SDF4: variants seen among roughly 807,000 people sequenced by gnomAD.
The protein encoded by SDF4 is stromal cell derived factor 4, also known as 45 kDa calcium-binding protein.
A neutral mutation model predicts 34.2 loss-of-function variants in SDF4; 22 were observed. The ratio of observed to expected loss-of-function variants is 0.64; its 90% CI spans 0.46 to 0.92. The LOEUF is 0.92. Among genes scored for constraint, SDF4 ranks in the 40% least tolerant of loss-of-function variants. The pLI, the probability that SDF4 is intolerant of heterozygous loss-of-function variation, is 0.00. For missense variants in SDF4, 447 were observed against 499.9 expected (o/e 0.89, Z 1.01); for synonymous variants, 236 against 203.1 (o/e 1.16, Z -1.38).
chr1:1,223,151 C>T, intron 4 of SDF4, 93 bp downstream of exon 4: 1 of 890,522 alleles, frequency 1.1e-6, no homozygotes, highest in East Asian at 2.4e-5. Context: ...CACACTCATA[C>T]ACGACACACA....
intron 2 of SDF4, among the ~76,000 whole-genome samples, chr1:1,226,470 C>T (rs1342566764): frequency 2.0e-5 from 3 of 152,234 alleles, no homozygotes; most frequent in African/African-American, 7.2e-5. Context: ...CTACCCAGCC[C>T]TTCTCAGAAC....
At chr1:1,229,620 C>T (rs560206844) in intron 1 of SDF4, among the ~76,000 whole-genome samples, 39 of 152,250 alleles carry the variant, frequency 2.6e-4, no homozygotes, top group Admixed American at 1.4e-3. Context: ...CCAACACCTG[C>T]AGCACAGCTT....
At chr1:1,219,278 TGG>T (rs1649759063) in intron 4 of SDF4, 27 of 1,145,342 alleles carry the variant, frequency 2.4e-5, no homozygotes, top group Non-Finnish European at 2.8e-5. Flanking sequence ...CCCCAGGACA[TGG>T]CCTGGACCCC....
In SDF4 at chr1:1,218,745, C is replaced by A. The variant is rs371413931; in HGVS notation, c.715+24G>T. On this transcript the variant is annotated intron_variant, in intron 5 of 6. Transcript: ENST00000360001. This position sits in a 1 kb window ranked among gnomAD's most constrained non-coding sequence, Gnocchi z 7.9. The stretch of plus-strand genomic sequence containing the variant: ...CAGTCGGTCCTGGGTCCTGGCGTGC[C>A]GGCCAGGCTGGACCCAGCCTCACCC... 6.2e-7 allele frequency: 1 copy of A among 1,612,222 alleles called. No individual in the cohort carries two copies. Among genetic ancestry groups the A allele is most frequent in the Non-Finnish European group, 8.5e-7 (1 of 1,179,130 alleles).
At chr1:1,231,566 C>T (rs1177464499) in intron 1 of SDF4, among the ~76,000 whole-genome samples, 1 of 152,270 alleles carries the variant, frequency 6.6e-6, no homozygotes, top group Non-Finnish European at 1.5e-5. Context: ...AGCGGGGCAG[C>T]TTGTCCAAGG....
At chr1:1,224,608 G>C (rs542485254) in intron 2 of SDF4, among the ~76,000 whole-genome samples, 6 of 152,260 alleles carry the variant, frequency 3.9e-5, no homozygotes, top group African/African-American at 1.2e-4. Context: ...TTCAGGTATG[G>C]CTACACAAAA....
Position 1,223,353 on chromosome 1 carries a change from G to C in SDF4, c.447C>G (p.His149Gln). ...TCACCTTATACTCGTCCCAAGACAC[G>C]TGACCTGGAAGAGCAGATCACACCT... ...FRAVDPDGDG[H>Q]VSWDEYKVKF... The change falls in exon 4 of 7, where the codon CAC (histidine) becomes CAG (glutamine). Residue 149 changes from histidine (H) to glutamine (Q), a missense_variant. Coordinates refer to ENST00000360001, the MANE Select transcript of SDF4 (RefSeq NM_016176.6). 2 of 1,607,774 alleles carry C rather than the reference G, an allele frequency of 1.2e-6. No individual in the cohort carries two copies. Among genetic ancestry groups the C allele is most frequent in the Non-Finnish European group, 1.7e-6 (2 of 1,175,758 alleles).
chr1:1,220,028 A>G (rs573167300), intron 4 of SDF4: 1 of 985,720 alleles, frequency 1.0e-6, no homozygotes, highest in African/African-American at 1.7e-5. Flanking sequence ...AGCTCCTGGG[A>G]TGGATGGACG....
chr1:1,231,212 C>T (rs1638482909), intron 1 of SDF4, among the ~76,000 whole-genome samples: 1 of 152,342 alleles, frequency 6.6e-6, no homozygotes, highest in South Asian at 2.1e-4. Context: ...GTTCGCAGCA[C>T]AGCGGAGCGG....
chr1:1,217,510 G>T lies in SDF4; in HGVS notation c.*2C>A. Reference sequence around the variant, plus strand: ...GGGGCGGCGCGGGGCGCGGCCGGGCGCTCAAAACTCCTCGTGCACGCTGCG... The same window carrying T: ...GGGGCGGCGCGGGGCGCGGCCGGGCTCTCAAAACTCCTCGTGCACGCTGCG... On this transcript the variant is annotated 3_prime_UTR_variant, in exon 7 of 7. Coordinates refer to ENST00000360001, the MANE Select transcript of SDF4 (RefSeq NM_016176.6). The surrounding 1 kb of genome is among the most constrained non-coding windows in gnomAD (Gnocchi z 8.5). 6.3e-7 allele frequency: 1 copy of T among 1,582,464 alleles called. No homozygotes were observed. The highest frequency in any genetic ancestry group is 8.6e-7 in the Non-Finnish European group (1 of 1,163,372).
In SDF4 at chr1:1,217,887, C is replaced by T; in HGVS notation, c.892-199G>A. On this transcript the variant is annotated intron_variant, in intron 6 of 6. Coordinates refer to ENST00000360001, the MANE Select transcript of SDF4 (RefSeq NM_016176.6). This position sits in a 1 kb window ranked among gnomAD's most constrained non-coding sequence, Gnocchi z 8.5. ...GGGGCCCCGGAAGGCCTGCCCGGGG[C>T]CAGCAGGGGTAACGGGGCACAGGGG... 7.1e-7 allele frequency: 1 copy of T among 1,418,242 alleles called. No homozygotes were observed. The highest frequency in any genetic ancestry group is 9.3e-7 in the Non-Finnish European group (1 of 1,077,230). The allele number at this position is 1,418,242 out of a possible 1,614,324, so 87.9% of individuals were successfully genotyped here. A position where few individuals can be genotyped will look rare whatever the true frequency, so the allele number is the denominator to read the frequency against.
In SDF4 at chr1:1,228,593, C is replaced by T. The variant is rs767218292; in HGVS notation, c.180G>A (p.Leu60=). The T allele has an allele frequency of 2.5e-6, 4 of 1,613,124 alleles. No homozygotes were observed. In the African/African-American group the frequency reaches 5.3e-5, roughly 22 times the overall value. The change falls in exon 2 of 7, where the codon CTG becomes CTA. Residue 60 remains leucine, a synonymous_variant. Coordinates refer to ENST00000360001, the MANE Select transcript of SDF4 (RefSeq NM_016176.6). ...CGCGATTGAGGTGCCCGTCCATCTC[C>T]AGCTTCACCCCGTTCAGGTGGTCTG... is the stretch of plus-strand genomic sequence containing the variant. ...LPPDHLNGVK[L]EMDGHLNRGF...
At chr1:1,231,668 G>A (rs1638505918) in intron 1 of SDF4, among the ~76,000 whole-genome samples, 2 of 152,244 alleles carry the variant, frequency 1.3e-5, no homozygotes, top group Admixed American at 1.3e-4. Context: ...GAGACCAGAC[G>A]TGCCGGCGGC....
At chr1:1,222,455 G>A (rs939887970) in intron 4 of SDF4, among the ~76,000 whole-genome samples, 2 of 145,978 alleles carry the variant, frequency 1.4e-5, no homozygotes, top group Non-Finnish European at 3.0e-5. Context: ...GCTGGCCAAC[G>A]GCCACACCCC....
At position 1,217,941 on chromosome 1, in the gene SDF4, G is replaced by A; in HGVS notation, c.892-253C>T. On this transcript the variant is annotated intron_variant, in intron 6 of 6. Coordinates refer to ENST00000360001, the MANE Select transcript of SDF4 (RefSeq NM_016176.6). This position sits in a 1 kb window ranked among gnomAD's most constrained non-coding sequence, Gnocchi z 8.5. The stretch of plus-strand genomic sequence containing the variant: ...CACAGGCCTGGACCCCAGTTCTGAA[G>A]GATCCCTAACCTGGGCCGGGCCCAC... The A allele has an allele frequency of 1.0e-6, 1 of 1,001,448 alleles. No individual in the cohort carries two copies. Among genetic ancestry groups the A allele is most frequent in the Non-Finnish European group, 1.4e-6 (1 of 715,670 alleles). The allele number at this position is 1,001,448 out of a possible 1,614,324, so 62.0% of individuals were successfully genotyped here. A position where few individuals can be genotyped will look rare whatever the true frequency, so the allele number is the denominator to read the frequency against.
chr1:1,227,419 G>C (rs970323836), intron 2 of SDF4: 10 of 119,578 alleles, frequency 8.4e-5, no homozygotes, highest in African/African-American at 3.6e-4. Flanking sequence ...GCGGGAAGGC[G>C]AGCTCGTGGC....
intron 4 of SDF4, chr1:1,221,310 G>C (rs887393505): frequency 1.9e-5 from 3 of 157,090 alleles, no homozygotes; most frequent in Non-Finnish European, 2.8e-5. Context: ...CCCCAGGACG[G>C]GGGGAGGCCG....
At chr1:1,221,988 G>A (rs1440846671) in intron 4 of SDF4, among the ~76,000 whole-genome samples, 4 of 152,188 alleles carry the variant, frequency 2.6e-5, no homozygotes, top group Admixed American at 2.0e-4. Flanking sequence ...TGAGACTCTG[G>A]TGAGGAAATG....
intron 4 of SDF4, 139 bp downstream of exon 4, chr1:1,223,105 C>T (rs542960148): frequency 4.0e-4 from 266 of 663,268 alleles, no homozygotes; most frequent in Middle Eastern, 8.0e-4. Flanking sequence ...CTCGTACACA[C>T]GGCACGCACA....
Sources: gnomAD v4.1 joint callset for allele counts (sites outside exome capture counted in the v4.1 genomes callset) on GRCh38, gnomAD v4.1.1 for gene constraint, Gnocchi (gnomAD v3.1) non-coding constraint, MANE v1.5 for transcripts, NCBI Gene and HGNC (gene_info 2026-07-23, HGNC 2026-07-21) for gene names.